Variants in LRRC28 observed in about 807,000 individuals in gnomAD.
LRRC28 encodes leucine rich repeat containing 28.
LRRC28 carries 39 observed loss-of-function variants against 45.7 expected under a neutral mutation model. The observed-to-expected ratio is 0.85, with a 90% CI of 0.66 to 1.12. The LOEUF (loss-of-function observed/expected upper bound fraction) is 1.12. Ranked by LOEUF, LRRC28 falls within the 50% of genes most tolerant of loss-of-function variation. The pLI, the probability that LRRC28 is intolerant of heterozygous loss-of-function variation, is 0.00. For missense variants in LRRC28, 435 were observed against 438.5 expected (o/e 0.99, Z 0.07); for synonymous variants, 206 against 178.8 (o/e 1.15, Z -1.22).
At chr15:99,267,730 G>A (rs2081368999) in intron 2 of LRRC28, among the ~76,000 whole-genome samples, 1 of 152,202 alleles carries the variant, frequency 6.6e-6, no homozygotes, top group Non-Finnish European at 1.5e-5. Flanking sequence ...ACATGTGCCT[G>A]AAAATTAAGT....
At chr15:99,269,975 G>A (rs1017029013) in intron 2 of LRRC28, among the ~76,000 whole-genome samples, 3 of 152,224 alleles carry the variant, frequency 2.0e-5, no homozygotes, top group Non-Finnish European at 4.4e-5. Flanking sequence ...TGTACCATTA[G>A]CCTGCTAGGG....
At chr15:99,372,186 C>A (rs1053715874) in intron 9 of LRRC28, among the ~76,000 whole-genome samples, 2 of 152,124 alleles carry the variant, frequency 1.3e-5, no homozygotes, top group African/African-American at 4.8e-5. Context: ...CAGAAAAAAT[C>A]GCACATTTCT....
chr15:99,356,951 C>T (rs1200721132), intron 7 of LRRC28, among the ~76,000 whole-genome samples: 12 of 152,208 alleles, frequency 7.9e-5, no homozygotes, highest in Non-Finnish European at 1.8e-4. Context: ...CAGAACAAAA[C>T]TTAGCCTTAA....
intron 5 of LRRC28, among the ~76,000 whole-genome samples, chr15:99,288,471 T>A (rs2152212297): frequency 7.3e-6 from 1 of 137,194 alleles, no homozygotes; most frequent in East Asian, 2.2e-4. Flanking sequence ...AATCTCTGCC[T>A]CCCAGGTTCA....
chr15:99,288,006 A>G (rs890805729), intron 5 of LRRC28, 55 bp downstream of exon 5: 11 of 1,474,326 alleles, frequency 7.5e-6, no homozygotes, highest in Non-Finnish European at 1.0e-5. Context: ...ATCTGTATTC[A>G]TATTTCTCAC....
intron 5 of LRRC28, among the ~76,000 whole-genome samples, chr15:99,325,951 G>C (rs1955960134): frequency 6.6e-6 from 1 of 152,162 alleles, no homozygotes; most frequent in Non-Finnish European, 1.5e-5. Context: ...GGTGAGAATA[G>C]AAGAAGACGA....
chr15:99,298,236 T>G (rs2082315473), intron 5 of LRRC28, among the ~76,000 whole-genome samples: 1 of 152,166 alleles, frequency 6.6e-6, no homozygotes, highest in South Asian at 2.1e-4. Flanking sequence ...CTTATAGAAT[T>G]AATTTATGAC....
At chr15:99,377,429 A>T (rs1307902345) in intron 9 of LRRC28, among the ~76,000 whole-genome samples, 4 of 152,178 alleles carry the variant, frequency 2.6e-5, no homozygotes, top group African/African-American at 9.7e-5. Context: ...TTCTTTGTAG[A>T]TTCTGGATGT....
rs111772203 is a variant in LRRC28, at chr15:99,273,403, A to G, written c.169-3173A>G. On this transcript the variant is annotated intron_variant, in intron 2 of 9. Coordinates refer to ENST00000301981, the MANE Select transcript of LRRC28 (RefSeq NM_144598.5). ...AGGCACTCACCACCACGCCCGGCTA[A>G]TTTTTTGTATTTTTTAGTAGAGACA... Among the ~76,000 whole-genome samples the G allele has an allele frequency of 1.4e-4, 21 of 151,962 alleles. 3 individuals are homozygous for G. Among genetic ancestry groups the G allele is most frequent in the African/African-American group, 5.1e-4 (21 of 41,442 alleles).
chr15:99,268,961 A>G (rs1298303825), intron 2 of LRRC28, among the ~76,000 whole-genome samples: 1 of 152,242 alleles, frequency 6.6e-6, no homozygotes, highest in Non-Finnish European at 1.5e-5. Context: ...ACACTTCAAG[A>G]GGCATTTCAG....
At chr15:99,285,114 A>G (rs1002448373) in intron 3 of LRRC28, 22 of 710,698 alleles carry the variant, frequency 3.1e-5, no homozygotes, top group Non-Finnish European at 5.0e-5. Context: ...CCACGAAGTC[A>G]TGGTCATCAA....
chr15:99,285,067 C>T, intron 3 of LRRC28: 1 of 675,076 alleles, frequency 1.5e-6, no homozygotes, highest in Non-Finnish European at 2.8e-6. Context: ...ACAGTTGTGG[C>T]CATTCACATT....
At chr15:99,347,593 C>T (rs924581064) in intron 6 of LRRC28, among the ~76,000 whole-genome samples, 3 of 152,190 alleles carry the variant, frequency 2.0e-5, no homozygotes, top group African/African-American at 7.2e-5. Context: ...CAGATTCATC[C>T]AGGTTTGGCA....
chr15:99,381,465 C>A (rs781527083), intron 9 of LRRC28, among the ~76,000 whole-genome samples: 1 of 152,156 alleles, frequency 6.6e-6, no homozygotes, highest in South Asian at 2.1e-4. Flanking sequence ...AGCTTCTTTG[C>A]GATGGGTTCG....
At chr15:99,265,297 G>A (rs950680088) in intron 2 of LRRC28, among the ~76,000 whole-genome samples, 1 of 152,146 alleles carries the variant, frequency 6.6e-6, no homozygotes. Flanking sequence ...GGAGGTTTAG[G>A]ATTTGGCCAA....
intron 7 of LRRC28, among the ~76,000 whole-genome samples, chr15:99,358,403 A>G (rs539926263): frequency 2.6e-5 from 4 of 152,314 alleles, no homozygotes; most frequent in African/African-American, 9.6e-5. Flanking sequence ...TTCTAATACA[A>G]ATCTCTGGAA....
chr15:99,336,535 C>G (rs1337300363), intron 6 of LRRC28, among the ~76,000 whole-genome samples: 12 of 152,190 alleles, frequency 7.9e-5, no homozygotes, highest in Admixed American at 7.9e-4. Context: ...ATTTTGGGCT[C>G]AAGATACTCC....
At chr15:99,278,090 C>T (rs1053954131) in intron 3 of LRRC28, among the ~76,000 whole-genome samples, 3 of 152,022 alleles carry the variant, frequency 2.0e-5, no homozygotes, top group African/African-American at 7.2e-5. Flanking sequence ...TAGAGTTTTC[C>T]AGGTATACTC....
chr15:99,376,381 T>C (rs957746000), intron 9 of LRRC28, among the ~76,000 whole-genome samples: 1 of 152,230 alleles, frequency 6.6e-6, no homozygotes, highest in African/African-American at 2.4e-5. Context: ...CTTAAATTGT[T>C]CTTCATTCTG....
Sources: allele counts gnomAD v4.1 joint callset (sites outside exome capture counted in the v4.1 genomes callset), GRCh38; gene constraint gnomAD v4.1.1; transcripts MANE v1.5; gene names NCBI Gene and HGNC (gene_info 2026-07-23, HGNC 2026-07-21).